The following RTL4 variants were observed in gnomAD, a reference collection of about 807,000 sequenced individuals.
The protein encoded by RTL4 is retrotransposon Gag like 4.
In RTL4, 4 loss-of-function variants were observed where a neutral mutation model predicts 5.3. The observed-to-expected ratio is 0.75, with a 90% CI of 0.37 to 1.72. The LOEUF (loss-of-function observed/expected upper bound fraction) is 1.72. RTL4 is among the 40% of genes most tolerant of loss of function. RTL4 has a pLI of 0.04. For missense variants in RTL4, 260 were observed against 227.1 expected, an observed-to-expected ratio of 1.14 and a Z score of -0.93; for synonymous variants, 98 against 87.3, an observed-to-expected ratio of 1.12 and a Z score of -0.68.
At chrX:112,433,043 G>T in the RTL4 span, among the ~76,000 whole-genome samples, 1 of 109,782 alleles carries the variant, frequency 9.1e-6, no homozygotes, top group African/African-American at 3.3e-5. Flanking sequence ...GATAGTTGTA[G>T]ATATGCGGCA....
chrX:112,114,740 T>A, the RTL4 span, among the ~76,000 whole-genome samples: 1 of 111,272 alleles, frequency 9.0e-6, no homozygotes. Context: ...AGGGGAGCTA[T>A]CGGGAGGCTA....
the RTL4 span, among the ~76,000 whole-genome samples, chrX:112,182,019 G>A: frequency 4.5e-5 from 5 of 111,617 alleles, no homozygotes; most frequent in Admixed American, 9.5e-5. Flanking sequence ...TAGAGACCCC[G>A]CTGGTGATAC....
At chrX:112,407,891 C>T in the RTL4 span, among the ~76,000 whole-genome samples, 3,783 of 112,162 alleles carry the variant, frequency 0.034, 59 homozygotes, top group African/African-American at 0.046. Flanking sequence ...AAATTTTGTC[C>T]GAGCATGAAA....
At chrX:112,380,178 G>A in the RTL4 span, among the ~76,000 whole-genome samples, 2 of 103,215 alleles carry the variant, frequency 1.9e-5, no homozygotes, top group African/African-American at 3.8e-5. Context: ...ATGGAGTCTC[G>A]CTGTGTTGCC....
chrX:112,249,792 T>TAG, the RTL4 span, among the ~76,000 whole-genome samples: 4,968 of 96,692 alleles, frequency 0.051, 262 homozygotes, highest in African/African-American at 0.16. Context: ...TATATATATA[T>TAG]AGAGAGAGAG....
the RTL4 span, among the ~76,000 whole-genome samples, chrX:112,371,891 G>C: frequency 9.7e-3 from 1,080 of 111,511 alleles, 15 homozygotes; most frequent in African/African-American, 0.033. Context: ...CTTCAATTTT[G>C]TCTAATTTTA....
the RTL4 span, among the ~76,000 whole-genome samples, chrX:112,182,047 G>A: frequency 1.8e-5 from 2 of 111,692 alleles, no homozygotes; most frequent in Admixed American, 1.9e-4. Flanking sequence ...AACAGGGTCT[G>A]GGGTGGACCT....
At chrX:112,321,405 G>A in the RTL4 span, among the ~76,000 whole-genome samples, 11 of 108,861 alleles carry the variant, frequency 1.0e-4, no homozygotes, top group Admixed American at 6.9e-4. Flanking sequence ...GTGTGGTGGC[G>A]CGTGCCTGTA....
the RTL4 span, among the ~76,000 whole-genome samples, chrX:112,121,167 A>G: frequency 3.6e-5 from 4 of 112,231 alleles, no homozygotes; most frequent in East Asian, 1.1e-3. Context: ...AGTTGTATTT[A>G]TTCCCAAAGT....
chrX:112,246,560 C>A, the RTL4 span, among the ~76,000 whole-genome samples: 2 of 112,122 alleles, frequency 1.8e-5, no homozygotes, highest in African/African-American at 6.5e-5. Context: ...GTGCCATTTG[C>A]TAAGACTGTT....
chrX:112,447,884 A>G, the RTL4 span, among the ~76,000 whole-genome samples: 1 of 111,973 alleles, frequency 8.9e-6, no homozygotes, highest in Non-Finnish European at 1.9e-5. Context: ...ACATGGCCCA[A>G]ATAACTTTTA....
upstream of RTL4, among the ~76,000 whole-genome samples, chrX:112,451,717 T>C (rs1273644805): frequency 9.0e-6 from 1 of 111,369 alleles, no homozygotes; most frequent in African/African-American, 3.3e-5. Context: ...TCCTTACCTG[T>C]TGAATTCTAC....
At chrX:112,248,349 T>G in the RTL4 span, among the ~76,000 whole-genome samples, 1 of 112,484 alleles carries the variant, frequency 8.9e-6, no homozygotes, top group Admixed American at 9.4e-5. Flanking sequence ...AAAAGCAGCT[T>G]GAGTAGCCAG....
chrX:112,292,712 T>C, the RTL4 span, among the ~76,000 whole-genome samples: 1 of 111,864 alleles, frequency 8.9e-6, no homozygotes, highest in Non-Finnish European at 1.9e-5. Context: ...AGTACTTTTT[T>C]TCTTTTTGAA....
the RTL4 span, among the ~76,000 whole-genome samples, chrX:112,350,590 CT>C: frequency 2.7e-5 from 3 of 111,422 alleles, no homozygotes; most frequent in Admixed American, 9.6e-5. Flanking sequence ...CTGATTTAGT[CT>C]TGGGAGGGTG....
the RTL4 span, among the ~76,000 whole-genome samples, chrX:112,147,329 A>C: frequency 9.0e-6 from 1 of 110,672 alleles, no homozygotes; most frequent in Non-Finnish European, 1.9e-5. Context: ...CTTGCAAAGC[A>C]CTCAACTGGA....
the RTL4 span, among the ~76,000 whole-genome samples, chrX:112,415,492 C>G: frequency 1.8e-5 from 2 of 110,615 alleles, no homozygotes; most frequent in African/African-American, 6.6e-5. Flanking sequence ...CAATCATGAA[C>G]GATGCTGCTG....
At chrX:112,101,183 G>A in the RTL4 span, among the ~76,000 whole-genome samples, 15 of 111,271 alleles carry the variant, frequency 1.3e-4, no homozygotes, top group East Asian at 1.4e-3. Context: ...CCATAATTTC[G>A]TAGTTTGTGA....
the RTL4 span, among the ~76,000 whole-genome samples, chrX:112,155,358 A>G: frequency 2.7e-5 from 3 of 111,234 alleles, no homozygotes; most frequent in Non-Finnish European, 5.7e-5. Flanking sequence ...CAATTGCAAT[A>G]TTAAACAATT....
Sources: gnomAD v4.1 joint callset for allele counts (sites outside exome capture counted in the v4.1 genomes callset) on GRCh38, gnomAD v4.1.1 for gene constraint, MANE v1.5 for transcripts, NCBI Gene and HGNC (gene_info 2026-07-23, HGNC 2026-07-21) for gene names.